SLC4A1: variants seen among roughly 807,000 people sequenced by gnomAD.
The protein encoded by SLC4A1 is solute carrier family 4 member 1 (Diego blood group).
SLC4A1 carries 29 observed loss-of-function variants against 93.1 expected under a neutral mutation model. That is an observed-to-expected ratio of 0.31 (90% CI 0.23 to 0.42). The LOEUF (loss-of-function observed/expected upper bound fraction) is 0.42, where lower values mean the gene tolerates loss of function less well. Ranked by LOEUF, SLC4A1 falls within the 20% of genes least tolerant of loss-of-function variation. The pLI is 1.00. For missense variants in SLC4A1, 965 were observed against 1,190.1 expected, an observed-to-expected ratio of 0.81 and a Z score of 2.78; for synonymous variants, 469 against 497.2, an observed-to-expected ratio of 0.94 and a Z score of 0.76.
chr17:44,259,261 C>T lies in SLC4A1; in HGVS notation c.778G>A (p.Val260Met). 1 of 1,613,966 alleles carries T rather than the reference C, an allele frequency of 6.2e-7. No homozygotes were observed. The highest frequency in any genetic ancestry group is 8.5e-7 in the Non-Finnish European group (1 of 1,180,020). The change falls in exon 9 of 20, where the codon GTG becomes ATG. Residue 260 changes from valine to methionine, a missense_variant. Around this residue, in one of 2 missense-constraint regions of SLC4A1, gnomAD observed 770 missense variants for 1,006.6 expected, o/e 0.76. Coordinates refer to ENST00000262418, the MANE Select transcript of SLC4A1 (RefSeq NM_000342.4). ...AACACAAAGAGGAAGCGTATAGGCA[C>T]CGGCAGCTCCACCGCCTCCAGCTCC... Reference protein sequence around the residue: ...AAELEAVELPVPIRFLFVLLG... With the variant: ...AAELEAVELPMPIRFLFVLLG...
At position 44,257,442 on chromosome 17, in the gene SLC4A1, G is replaced by C. The variant is rs374488470; in HGVS notation, c.1534C>G (p.Leu512Val). 2 of 1,613,994 alleles carry C rather than the reference G, an allele frequency of 1.2e-6. No individual in the cohort carries two copies. Among genetic ancestry groups the C allele is most frequent in the African/African-American group, 2.7e-5 (2 of 74,884 alleles). ...GTATAGCGGGAGATGAAGCGGACCAGGAAGCTACCCTCGAAGGCCACCACC... is the reference window on the plus strand; with the variant it reads ...GTATAGCGGGAGATGAAGCGGACCACGAAGCTACCCTCGAAGGCCACCACC... ...VLVVAFEGSF[L>V]VRFISRYTQE... is the part of the protein sequence containing the mutation. The change falls in exon 13 of 20, where the codon CTG becomes GTG. Residue 512 changes from leucine (L) to valine (V), a missense_variant. This residue lies in a region of SLC4A1 where 770 missense variants were observed against 1,006.6 expected (regional missense o/e 0.76). Transcript: ENST00000262418.
intron 1 of SLC4A1, among the ~76,000 whole-genome samples, chr17:44,266,549 G>C (rs1279375353): frequency 1.3e-5 from 2 of 152,188 alleles, no homozygotes; most frequent in African/African-American, 4.8e-5. Context: ...CACCCCATCT[G>C]TACAATGGGA....
intron 17 of SLC4A1, among the ~76,000 whole-genome samples, chr17:44,252,608 G>T (rs897946647): frequency 6.6e-6 from 1 of 152,116 alleles, no homozygotes; most frequent in Non-Finnish European, 1.5e-5. Context: ...AACCCAGCTC[G>T]ACTCTTGGCT....
At chr17:44,257,945 G>T in intron 11 of SLC4A1, 41 bp downstream of exon 11, 1 of 1,611,638 alleles carries the variant, frequency 6.2e-7, no homozygotes, top group Non-Finnish European at 8.5e-7. Flanking sequence ...GAGGCCAGAG[G>T]GTCAGAGGCA....
chr17:44,250,438 C>A lies in SLC4A1; in HGVS notation c.*20G>T, dbSNP rs369197646. 1 of 1,600,326 alleles carries A rather than the reference C, an allele frequency of 6.2e-7. No homozygotes were observed. Among genetic ancestry groups the A allele is most frequent in the South Asian group, 1.1e-5 (1 of 90,770 alleles). On this transcript the variant is annotated 3_prime_UTR_variant, in exon 20 of 20. Transcript: ENST00000262418. ...GGGATGTGGAATGGTGGGGGAGGGT[C>A]TAGGGCCTGGGCCCGCCCCTCACAC...
chr17:44,256,006 T>G (rs898568337), intron 13 of SLC4A1, among the ~76,000 whole-genome samples, 160 bp from the exon 14 acceptor site: 1 of 152,136 alleles, frequency 6.6e-6, no homozygotes, highest in Non-Finnish European at 1.5e-5. Context: ...ATCTATCCAT[T>G]ATCCATTGAT....
chr17:44,257,300 A>G (rs763799680), intron 13 of SLC4A1, 50 bp downstream of exon 13: 10 of 1,576,104 alleles, frequency 6.3e-6, no homozygotes, highest in Non-Finnish European at 8.7e-6. Flanking sequence ...CCACTGTCTC[A>G]GTCTTATACA....
At chr17:44,256,428 G>T (rs1180817992) in intron 13 of SLC4A1, among the ~76,000 whole-genome samples, 1 of 152,210 alleles carries the variant, frequency 6.6e-6, no homozygotes, top group Non-Finnish European at 1.5e-5. Context: ...GGGGTTAAAA[G>T]ACCTGGACAC....
At chr17:44,262,373 C>A (rs1181781237) in intron 3 of SLC4A1, among the ~76,000 whole-genome samples, 3 of 152,244 alleles carry the variant, frequency 2.0e-5, no homozygotes, top group Admixed American at 6.5e-5. Flanking sequence ...GGCATGTGGG[C>A]TCACGCCCTT....
intron 15 of SLC4A1, 118 bp downstream of exon 15, chr17:44,255,089 A>G: frequency 4.1e-6 from 3 of 732,696 alleles, no homozygotes; most frequent in Admixed American, 2.0e-5. Context: ...GGGATGGGGT[A>G]GAGGTAGTCC....
At chr17:44,263,534 C>T (rs1353079270) in intron 1 of SLC4A1, among the ~76,000 whole-genome samples, 2 of 152,160 alleles carry the variant, frequency 1.3e-5, no homozygotes. Flanking sequence ...CCTTTCCTGT[C>T]CCAGGGCCTT....
rs1567832203 is a variant in SLC4A1 at position 44,257,696 on chromosome 17, G to A, written c.1394C>T (p.Ser465Leu). ...TTCCTCAAACACCAGCAGGGGTCCT[G>A]AGAAGCCGACCACAAGCAGGGGCTG... ...GAQPLLVVGF[S>L]GPLLVFEEAF... The change falls in exon 12 of 20, where the codon TCA becomes TTA. Residue 465 changes from serine to leucine, a missense_variant. Coordinates refer to ENST00000262418, the MANE Select transcript of SLC4A1 (RefSeq NM_000342.4). 6.2e-7 allele frequency: 1 copy of A among 1,613,960 alleles called. No individual in the cohort carries two copies. The highest frequency in any genetic ancestry group is 8.5e-7 in the Non-Finnish European group (1 of 1,179,996).
chr17:44,252,986 G>A, intron 17 of SLC4A1, 132 bp downstream of exon 17: 1 of 970,870 alleles, frequency 1.0e-6, no homozygotes, highest in Admixed American at 1.9e-5. Flanking sequence ...GGGGATGCTG[G>A]GGAGATGTGG....
Position 44,257,454 on chromosome 17 carries a change from C to G in SLC4A1, c.1522G>C (p.Glu508Gln), listed in dbSNP as rs45568837. The G allele has an allele frequency of 1.2e-6, 2 of 1,614,022 alleles. No homozygotes were observed. The highest frequency in any genetic ancestry group is 2.2e-5 in the East Asian group (1 of 44,882). Residue 508 changes from glutamate to glutamine, a missense_variant, in exon 13 of 20, where the codon GAG becomes CAG. Transcript: ENST00000262418. Reference protein sequence around the residue: ...ILLVVLVVAFEGSFLVRFISR... With the variant: ...ILLVVLVVAFQGSFLVRFISR... ...ATGAAGCGGACCAGGAAGCTACCCT[C>G]GAAGGCCACCACCAACACCACCAGC...
Position 44,260,753 on chromosome 17 carries a change from C to T in SLC4A1, c.231G>A (p.Glu77=). 1.5e-5 allele frequency: 25 copies of T among 1,614,114 alleles called. No individual in the cohort carries two copies. The highest frequency in any genetic ancestry group is 2.0e-5 in the Non-Finnish European group (24 of 1,180,046). The change falls in exon 5 of 20, where the codon GAG becomes GAA. Residue 77 remains glutamate (E), a synonymous_variant. Transcript: ENST00000262418. ...DEKNQELRWM[E]AARWVQLEEN... ...CCTCCAGTTGCACCCAGCGCGCCGC[C>T]TCCATCCATCTCAGCTCCTGGTTCT... is the stretch of plus-strand genomic sequence containing the variant.
At chr17:44,254,061 G>A (rs1174238450) in intron 16 of SLC4A1, among the ~76,000 whole-genome samples, 2 of 134,150 alleles carry the variant, frequency 1.5e-5, no homozygotes, top group Admixed American at 8.2e-5. Context: ...TGCAACCTCC[G>A]CCTCCCGGGT....
At chr17:44,259,709 C>A (rs2047424647) in intron 7 of SLC4A1, 100 bp downstream of exon 7, 4 of 1,579,892 alleles carry the variant, frequency 2.5e-6, no homozygotes, top group Non-Finnish European at 3.5e-6. Context: ...TGCTTCTGGT[C>A]CCCTGCTTGT....
chr17:44,261,141 G>A (rs761549576), intron 4 of SLC4A1, among the ~76,000 whole-genome samples: 17 of 152,196 alleles, frequency 1.1e-4, no homozygotes, highest in Non-Finnish European at 2.1e-4. Context: ...AAGATTGTTC[G>A]TGGATGTGCT....
At chr17:44,252,464 C>G (rs2144599816) in intron 17 of SLC4A1, among the ~76,000 whole-genome samples, 1 of 152,296 alleles carries the variant, frequency 6.6e-6, no homozygotes, top group African/African-American at 2.4e-5. Context: ...AAGCCCACTC[C>G]CTTAACCTAA....
Sources: gnomAD v4.1 joint callset for allele counts (sites outside exome capture counted in the v4.1 genomes callset) on GRCh38, gnomAD v4.1.1 for gene constraint, gnomAD v4.1.1 regional missense constraint, MANE v1.5 for transcripts, NCBI Gene and HGNC (gene_info 2026-07-23, HGNC 2026-07-21) for gene names.